STARD3: variants seen among roughly 807,000 people sequenced by gnomAD.
STARD3 encodes the protein StAR related lipid transfer domain containing 3.
A neutral mutation model predicts 62.0 loss-of-function variants in STARD3; 39 were observed. The ratio of observed to expected loss-of-function variants is 0.63; its 90% CI spans 0.49 to 0.82. STARD3 has a LOEUF of 0.82. Ranked by LOEUF, STARD3 falls within the 40% of genes least tolerant of loss-of-function variation. The pLI, the probability that STARD3 is intolerant of heterozygous loss-of-function variation, is 0.00. For missense variants in STARD3, 543 were observed against 584.5 expected (o/e 0.93, Z 0.73); for synonymous variants, 229 against 242.4 (o/e 0.94, Z 0.51).
intron 2 of STARD3, among the ~76,000 whole-genome samples, chr17:39,656,196 G>A (rs2057128062): frequency 6.6e-6 from 1 of 152,202 alleles, no homozygotes; most frequent in African/African-American, 2.4e-5. Context: ...GAGAGCGGAA[G>A]CCCCAGTCTA....
At chr17:39,657,481 C>T (rs573287672) in intron 3 of STARD3, among the ~76,000 whole-genome samples, 33 of 151,344 alleles carry the variant, frequency 2.2e-4, no homozygotes, top group African/African-American at 7.8e-4. Context: ...GAGCTGAGAC[C>T]GTGCCACCGC....
At chr17:39,640,027 C>G (rs2056969257) in intron 1 of STARD3, among the ~76,000 whole-genome samples, 1 of 152,226 alleles carries the variant, frequency 6.6e-6, no homozygotes, top group African/African-American at 2.4e-5. Context: ...TCTTCCTCAC[C>G]AGACCCAGAG....
intron 1 of STARD3, among the ~76,000 whole-genome samples, chr17:39,648,831 G>T (rs569787209): frequency 6.6e-6 from 1 of 152,186 alleles, no homozygotes; most frequent in Non-Finnish European, 1.5e-5. Flanking sequence ...CGACAGGGAC[G>T]TCTGGGCATG....
chr17:39,659,244 C>T (rs112766854), intron 8 of STARD3, 138 bp downstream of exon 8: 3 of 1,179,542 alleles, frequency 2.5e-6, no homozygotes, highest in Middle Eastern at 5.7e-4. Flanking sequence ...GTGTCTCCCC[C>T]ACCACCAGTC....
intron 2 of STARD3, among the ~76,000 whole-genome samples, chr17:39,656,093 G>A (rs945696345): frequency 2.0e-5 from 3 of 152,200 alleles, no homozygotes; most frequent in Non-Finnish European, 4.4e-5. Context: ...GAGCTGGGGT[G>A]GGCTTGAGGA....
At chr17:39,661,684 C>T (rs2057200389) in intron 13 of STARD3, among the ~76,000 whole-genome samples, 1 of 152,170 alleles carries the variant, frequency 6.6e-6, no homozygotes, top group African/African-American at 2.4e-5. Context: ...GAGCACTGTT[C>T]TTTGAATAGG....
chr17:39,645,973 C>T (rs1012051078), intron 1 of STARD3, among the ~76,000 whole-genome samples: 1 of 146,120 alleles, frequency 6.8e-6, no homozygotes, highest in African/African-American at 2.6e-5. Context: ...CTCACTGCAA[C>T]CTTCGCCCCT....
At chr17:39,649,240 A>G (rs1018383345) in intron 1 of STARD3, among the ~76,000 whole-genome samples, 6 of 152,234 alleles carry the variant, frequency 3.9e-5, no homozygotes, top group Admixed American at 6.5e-5. Context: ...GAACTTGGCA[A>G]TACCTCACAA....
intron 1 of STARD3, among the ~76,000 whole-genome samples, chr17:39,643,007 T>C (rs2056994523): frequency 6.6e-6 from 1 of 151,844 alleles, no homozygotes; most frequent in South Asian, 2.1e-4. Context: ...GGGGAAGCCA[T>C]TGGAGGTTGG....
At position 39,662,918 on chromosome 17, in the gene STARD3, C is replaced by A; in HGVS notation, c.*10C>A. 1 of 1,606,088 alleles carries A rather than the reference C, an allele frequency of 6.2e-7. No homozygotes were observed. The highest frequency in any genetic ancestry group is 8.5e-7 in the Non-Finnish European group (1 of 1,176,672). ...GGGGGCCCGGGCGTGACTGTGCCCC[C>A]TCCCACCCTGCGGGCCAGGGTCCTG... On this transcript the variant is annotated 3_prime_UTR_variant, in exon 15 of 15. Transcript: ENST00000336308.
At chr17:39,658,609 C>T (rs892950920) in intron 6 of STARD3, 87 bp downstream of exon 6, 4 of 1,563,766 alleles carry the variant, frequency 2.6e-6, no homozygotes, top group South Asian at 1.1e-5. Flanking sequence ...CAGTCTGAAG[C>T]ATCTCGCCAC....
intron 1 of STARD3, among the ~76,000 whole-genome samples, chr17:39,647,502 G>A (rs2057037863): frequency 6.6e-6 from 1 of 152,170 alleles, no homozygotes; most frequent in East Asian, 1.9e-4. Flanking sequence ...GGTGGGTGGA[G>A]GCCTGCGCTA....
Position 39,640,509 on chromosome 17 carries a change from C to T in STARD3, c.-52+3278C>T, listed in dbSNP as rs1197242454. Among the ~76,000 whole-genome samples the T allele has an allele frequency of 3.4e-5, 5 of 147,270 alleles. No individual in the cohort carries two copies. The South Asian group carries it at 1.1e-3, about 33-fold the overall frequency. The stretch of plus-strand genomic sequence containing the variant: ...CTGAAACCGGCTCCCTTCCATCCCC[C>T]CAACCCCCCCACCCCTTGTCCCTTG... On this transcript the variant is annotated intron_variant, in intron 1 of 14. Transcript: ENST00000336308.
At chr17:39,655,535 G>A (rs927053517) in intron 2 of STARD3, among the ~76,000 whole-genome samples, 1 of 152,278 alleles carries the variant, frequency 6.6e-6, no homozygotes, top group Non-Finnish European at 1.5e-5. Context: ...CGATTGCTCT[G>A]CAGTCCTCAT....
In STARD3 at chr17:39,663,238, TGGGCA is replaced by T. The variant is rs1165460056; in HGVS notation, c.*342_*346del. 4 of 405,898 alleles carry T rather than the reference TGGGCA, an allele frequency of 9.9e-6. No individual in the cohort carries two copies. Among genetic ancestry groups the T allele is most frequent in the Non-Finnish European group, 1.7e-5 (4 of 231,088 alleles). The allele number at this position is 405,898 out of a possible 1,614,324, so 25.1% of individuals were successfully genotyped here. A position where few individuals can be genotyped will look rare whatever the true frequency, so the allele number is the denominator to read the frequency against. ...ACTTGGCTGGGGAGGACCAGGGCCCTGGGCAGGGCAGGGCAGCCTGTCACCCGTGT... is the reference window on the plus strand; with the variant it reads ...ACTTGGCTGGGGAGGACCAGGGCCCTGGGCAGGGCAGCCTGTCACCCGTGT... On this transcript the variant is annotated 3_prime_UTR_variant, in exon 15 of 15. Transcript: ENST00000336308.
chr17:39,662,344 G>C lies in STARD3; in HGVS notation c.1233G>C (p.Lys411Asn). The change falls in exon 14 of 15, where the codon AAG (lysine) becomes AAC (asparagine). Residue 411 changes from lysine (K) to asparagine (N), a missense_variant and splice_region_variant. By Grantham distance (94) the Lys-to-Asn change is moderately conservative. Transcript: ENST00000336308. ...TCTGGATTCTTAATACAGATCTCAAGGTGGGGTGCTGGGGGGCTGCCAGGT... is the reference window on the plus strand; with the variant it reads ...TCTGGATTCTTAATACAGATCTCAACGTGGGGTGCTGGGGGGCTGCCAGGT... ...TFVWILNTDL[K>N]GRLPRYLIHQ... 6.2e-7 allele frequency: 1 copy of C among 1,613,718 alleles called. No homozygotes were observed. The highest frequency in any genetic ancestry group is 8.5e-7 in the Non-Finnish European group (1 of 1,179,826).
intron 1 of STARD3, among the ~76,000 whole-genome samples, chr17:39,641,081 C>A (rs757204654): frequency 7.9e-4 from 120 of 152,354 alleles, no homozygotes; most frequent in Non-Finnish European, 2.6e-4. Flanking sequence ...CCATCCTAGC[C>A]AGGCGCAGTG....
rs1459640632 is a variant in STARD3 at position 39,661,076 on chromosome 17, A to G, written c.1130A>G (p.Lys377Arg). Reference protein sequence around the residue: ...TSHSAKPPTHKYVRGENGPGG... With the variant: ...TSHSAKPPTHRYVRGENGPGG... ...CACAGTGCCAAGCCCCCGACGCACAAATATGTCCGGTGAGCCTCACTTTGC... is the reference window on the plus strand; with the variant it reads ...CACAGTGCCAAGCCCCCGACGCACAGATATGTCCGGTGAGCCTCACTTTGC... Residue 377 changes from lysine to arginine, a missense_variant, in exon 13 of 15, where the codon AAA becomes AGA. Physicochemically the swap from Lys to Arg is conservative, Grantham distance 26. Coordinates refer to ENST00000336308, the MANE Select transcript of STARD3 (RefSeq NM_006804.4). The G allele has an allele frequency of 4.3e-6, 7 of 1,613,386 alleles. No homozygotes were observed. The highest frequency in any genetic ancestry group is 2.2e-5 in the East Asian group (1 of 44,872).
intron 14 of STARD3, 84 bp from the exon 15 acceptor site, chr17:39,662,720 G>A: frequency 7.5e-7 from 1 of 1,326,220 alleles, no homozygotes; most frequent in Non-Finnish European, 1.0e-6. Context: ...TTCTGGCCCA[G>A]AGCCCCCCTG....
Sources: allele counts gnomAD v4.1 joint callset (sites outside exome capture counted in the v4.1 genomes callset), GRCh38; gene constraint gnomAD v4.1.1; transcripts MANE v1.5; gene names NCBI Gene and HGNC (gene_info 2026-07-23, HGNC 2026-07-21).